The following SNTG2 variants were observed in gnomAD, a reference collection of about 807,000 sequenced individuals.
SNTG2 encodes the protein syntrophin gamma 2.
A neutral mutation model predicts 70.9 loss-of-function variants in SNTG2; 74 were observed. The observed-to-expected ratio is 1.04, with a 90% confidence interval of 0.86 to 1.27. SNTG2 has a LOEUF of 1.27. SNTG2 is among the 50% of genes most tolerant of loss of function. SNTG2 has a pLI of 0.00. For synonymous variants in SNTG2, 278 were observed against 273.8 expected (o/e 1.02, Z -0.15); for missense variants, 717 against 690.7 (o/e 1.04, Z -0.43).
Position 1,173,075 on chromosome 2 carries a change from C to G in SNTG2, c.500-17C>G. ...CAGTGGCACCAATTGGAAGGGACTT[C>G]TCTTGTTTTGCTGCAGGGTCCCCAG... On this transcript the variant is annotated splice_polypyrimidine_tract_variant and intron_variant, in intron 7 of 16. Transcript: ENST00000308624. 2 of 1,612,320 alleles carry G rather than the reference C, an allele frequency of 1.2e-6. No homozygotes were observed. Among genetic ancestry groups the G allele is most frequent in the Non-Finnish European group, 1.7e-6 (2 of 1,178,704 alleles).
chr2:997,461 G>A (rs776969985), intron 1 of SNTG2, among the ~76,000 whole-genome samples: 2 of 152,196 alleles, frequency 1.3e-5, no homozygotes, highest in Non-Finnish European at 2.9e-5. Context: ...TCTGTCTGTG[G>A]TGAGAGCAAT....
In SNTG2 at chr2:1,203,665, A is replaced by C. The variant is rs1330645457; in HGVS notation, c.592-5438A>C. Among the ~76,000 whole-genome samples the C allele has an allele frequency of 3.5e-3, 288 of 83,084 alleles. 1 individual carries two copies. The highest frequency in any genetic ancestry group is 5.9e-3 in the Middle Eastern group (1 of 170). The allele number at this position is 83,084 out of a possible 152,430, so 54.5% of individuals were successfully genotyped here. On this transcript the variant is annotated intron_variant, in intron 8 of 16. Coordinates refer to ENST00000308624, the MANE Select transcript of SNTG2 (RefSeq NM_018968.4). ...TGAGACCTTGTCTCAAAAACAAACA[A>C]AAAAAAAAATATATATATATATATA...
At chr2:1,287,514 A>G (rs1679812141) in intron 14 of SNTG2, among the ~76,000 whole-genome samples, 1 of 152,200 alleles carries the variant, frequency 6.6e-6, no homozygotes, top group African/African-American at 2.4e-5. Flanking sequence ...AATGAGCCCC[A>G]GCCCACACAT....
intron 1 of SNTG2, among the ~76,000 whole-genome samples, chr2:1,073,569 C>T (rs1385676877): frequency 6.6e-6 from 1 of 152,176 alleles, no homozygotes; most frequent in Non-Finnish European, 1.5e-5. Flanking sequence ...GTGTGACTTG[C>T]ATTATCGCAA....
At chr2:1,115,418 A>C (rs1376504895) in intron 4 of SNTG2, among the ~76,000 whole-genome samples, 1 of 147,068 alleles carries the variant, frequency 6.8e-6, no homozygotes, top group African/African-American at 2.6e-5. Flanking sequence ...TAGTCCTTTT[A>C]GGAGAATTGT....
chr2:950,895 C>A lies in SNTG2; in HGVS notation c.-102C>A. 2.3e-6 allele frequency: 1 copy of A among 440,428 alleles called. No homozygotes were observed. The highest frequency in any genetic ancestry group is 2.1e-5 in the African/African-American group (1 of 47,570). 27.3% of individuals were successfully genotyped at this position (440,428 alleles called of 1,614,324 possible). A position where few individuals can be genotyped will look rare whatever the true frequency, so the allele number is the denominator to read the frequency against. Reference sequence around the variant, plus strand: ...CCGAGCCGGAGCCGGCAGAGGGGCGCGGGCGCGGACGCGGCGCCTGGCGGG... The same window carrying A: ...CCGAGCCGGAGCCGGCAGAGGGGCGAGGGCGCGGACGCGGCGCCTGGCGGG... On this transcript the variant is annotated 5_prime_UTR_variant, in exon 1 of 17. Transcript: ENST00000308624.
At chr2:1,341,219 T>G (rs147840672) in intron 16 of SNTG2, 1 of 152,298 alleles carries the variant, frequency 6.6e-6, no homozygotes, top group African/African-American at 2.4e-5. Context: ...ACTCTGTGCT[T>G]TCTGTACACA....
At chr2:1,284,805 T>G (rs527338719) in intron 14 of SNTG2, among the ~76,000 whole-genome samples, 152 of 151,044 alleles carry the variant, frequency 1.0e-3, no homozygotes, top group African/African-American at 3.7e-3. Context: ...TATTCAGTTT[T>G]GTTTATTAAT....
chr2:1,181,220 T>TAATAA (rs1553348618), intron 8 of SNTG2, among the ~76,000 whole-genome samples: 3,515 of 151,878 alleles, frequency 0.023, 130 homozygotes, highest in African/African-American at 0.079. Context: ...AGTATAATAA[T>TAATAA]AATAAAATAA....
chr2:1,253,669 G>A (rs1003530721), intron 12 of SNTG2, among the ~76,000 whole-genome samples: 5 of 152,154 alleles, frequency 3.3e-5, no homozygotes, highest in African/African-American at 4.8e-5. Flanking sequence ...AGGTGTATTC[G>A]TCTGTGTTCA....
At chr2:1,235,061 C>G (rs1572825013) in intron 9 of SNTG2, among the ~76,000 whole-genome samples, 1 of 152,374 alleles carries the variant, frequency 6.6e-6, no homozygotes. Flanking sequence ...TTCACACGCC[C>G]TCACGCGCAA....
In SNTG2 at chr2:1,048,043, TG is replaced by T. The variant is rs535158172; in HGVS notation, c.73-35474del. Among the ~76,000 whole-genome samples, 72 of 152,314 alleles carry T rather than the reference TG, an allele frequency of 4.7e-4. 2 individuals are homozygous for T. In the South Asian group the frequency reaches 7.7e-3, roughly 16 times the overall value. On this transcript the variant is annotated intron_variant, in intron 1 of 16. Coordinates refer to ENST00000308624, the MANE Select transcript of SNTG2 (RefSeq NM_018968.4). ...CATATATTTAGATTTTTAATATTTT[TG>T]TACTTCTTAACATTTTAATGTTATT...
chr2:1,130,361 T>C (rs1224754813), intron 4 of SNTG2, among the ~76,000 whole-genome samples: 1 of 152,228 alleles, frequency 6.6e-6, no homozygotes, highest in African/African-American at 2.4e-5. Flanking sequence ...AACCAACTAA[T>C]GTATATGATA....
chr2:1,045,801 G>A (rs922739101), intron 1 of SNTG2, among the ~76,000 whole-genome samples: 5 of 152,138 alleles, frequency 3.3e-5, no homozygotes, highest in African/African-American at 1.2e-4. Flanking sequence ...GGCTGAGCAT[G>A]TGGTTAATTT....
rs1350091486 is a variant in SNTG2, at chr2:1,124,310, T to TTTTC, written c.326-13312_326-13311insTTTC. Among the ~76,000 whole-genome samples, 21 of 151,804 alleles carry TTTTC rather than the reference T, an allele frequency of 1.4e-4. No homozygotes were observed. The East Asian group carries it at 3.3e-3, about 24-fold the overall frequency. On this transcript the variant is annotated intron_variant, in intron 4 of 16. Coordinates refer to ENST00000308624, the MANE Select transcript of SNTG2 (RefSeq NM_018968.4). ...TATTACTCAGTCTTTTTTTAATTTT[T>TTTTC]CTCAGACAGAGGCTTGCTTTGTTGC...
intron 1 of SNTG2, among the ~76,000 whole-genome samples, chr2:1,033,283 T>C (rs1660944236): frequency 1.3e-5 from 2 of 152,156 alleles, no homozygotes; most frequent in South Asian, 4.1e-4. Context: ...TGGGAGGGTG[T>C]TGTCCTGCAG....
chr2:1,004,433 G>T (rs1035939475), intron 1 of SNTG2, among the ~76,000 whole-genome samples: 1 of 152,186 alleles, frequency 6.6e-6, no homozygotes, highest in African/African-American at 2.4e-5. Context: ...TCTGATAAAT[G>T]GCTTGTACAC....
At chr2:1,322,637 G>GTCTC (rs147991649) in intron 16 of SNTG2, among the ~76,000 whole-genome samples, 1 of 151,424 alleles carries the variant, frequency 6.6e-6, no homozygotes, top group Non-Finnish European at 1.5e-5. Flanking sequence ...CTCTCACTCT[G>GTCTC]TCTCTCTCTC....
At chr2:1,195,267 G>A (rs1672839249) in intron 8 of SNTG2, among the ~76,000 whole-genome samples, 1 of 152,118 alleles carries the variant, frequency 6.6e-6, no homozygotes, top group Non-Finnish European at 1.5e-5. Flanking sequence ...TGGGTCAAAT[G>A]GTAGTTCTAG....
Sources: gnomAD v4.1 joint callset for allele counts (sites outside exome capture counted in the v4.1 genomes callset) on GRCh38, gnomAD v4.1.1 for gene constraint, MANE v1.5 for transcripts, NCBI Gene and HGNC (gene_info 2026-07-23, HGNC 2026-07-21) for gene names.